Variants in FAM193A observed in about 807,000 individuals in gnomAD.
FAM193A encodes the protein protein FAM193A.
In FAM193A, 22 loss-of-function variants were observed where a neutral mutation model predicts 126.5. The observed-to-expected ratio is 0.17, with a 90% CI of 0.12 to 0.25. FAM193A has a LOEUF of 0.25. Among genes scored for constraint, FAM193A ranks in the 10% least tolerant of loss-of-function variants. The probability of loss-of-function intolerance (pLI) is 1.00; values close to 1 mark genes in which losing one functional copy is unlikely to be tolerated. For synonymous variants in FAM193A, 761 were observed against 646.8 expected (o/e 1.18, Z -2.68); for missense variants, 1,675 against 1,672.8 (o/e 1.00, Z -0.02).
intron 5 of FAM193A, among the ~76,000 whole-genome samples, chr4:2,636,265 G>A (rs905413202): frequency 6.6e-6 from 1 of 151,846 alleles, no homozygotes; most frequent in Admixed American, 6.6e-5. Context: ...GGGTTTCACT[G>A]TGTTAGCCAG....
At chr4:2,608,399 A>G (rs1209351908) in intron 2 of FAM193A, among the ~76,000 whole-genome samples, 1 of 152,002 alleles carries the variant, frequency 6.6e-6, no homozygotes, top group Non-Finnish European at 1.5e-5. Flanking sequence ...GGCTGGTCTC[A>G]AACTCCTGGG....
At chr4:2,709,234 T>A (rs1323007959) in intron 19 of FAM193A, among the ~76,000 whole-genome samples, 1 of 152,194 alleles carries the variant, frequency 6.6e-6, no homozygotes, top group Non-Finnish European at 1.5e-5. Context: ...GAACTGAACT[T>A]GAATTCCTGG....
chr4:2,693,005 C>T (rs1716578253), intron 15 of FAM193A, among the ~76,000 whole-genome samples: 2 of 151,988 alleles, frequency 1.3e-5, no homozygotes, highest in African/African-American at 4.8e-5. Flanking sequence ...GGGTTCAGGA[C>T]CAGCCTGGAC....
intron 1 of FAM193A, among the ~76,000 whole-genome samples, chr4:2,554,078 C>T (rs915739509): frequency 6.6e-6 from 1 of 151,988 alleles, no homozygotes; most frequent in Non-Finnish European, 1.5e-5. Context: ...TCTGTTATCT[C>T]TCCCTTTTAT....
At chr4:2,554,831 C>T (rs1738160630) in intron 1 of FAM193A, among the ~76,000 whole-genome samples, 1 of 152,122 alleles carries the variant, frequency 6.6e-6, no homozygotes, top group South Asian at 2.1e-4. Flanking sequence ...TATCCCTCAT[C>T]CTTGGTAGTT....
chr4:2,595,238 G>A (rs755977570), intron 1 of FAM193A, among the ~76,000 whole-genome samples: 4 of 152,084 alleles, frequency 2.6e-5, no homozygotes, highest in East Asian at 3.9e-4. Context: ...TTGCAGAGGC[G>A]AAGTCTTGCT....
Position 2,630,437 on chromosome 4 carries a change from C to T in FAM193A, c.804-498C>T, listed in dbSNP as rs544128477. On this transcript the variant is annotated intron_variant, in intron 4 of 20. Coordinates refer to ENST00000637812, the MANE Select transcript of FAM193A (RefSeq NM_001366318.2). ...CTAGAAAGAAGGAAAGAGCAGGCTG[C>T]CGCAGATCTGCAGCCAGGTGGCACC... is the stretch of plus-strand genomic sequence containing the variant. 3.2e-4 allele frequency among the ~76,000 whole-genome samples: 48 copies of T among 152,318 alleles called. No individual in the cohort carries two copies. The South Asian group carries it at 9.7e-3, about 31-fold the overall frequency.
At chr4:2,617,982 G>A (rs35679952) in intron 2 of FAM193A, among the ~76,000 whole-genome samples, 102,363 of 152,062 alleles carry the variant, frequency 0.67, 35,959 homozygotes, top group African/African-American at 0.88. Flanking sequence ...CTGTAGGCCA[G>A]GGTAGCTTCT....
At chr4:2,565,663 T>A (rs1454146713) in intron 1 of FAM193A, among the ~76,000 whole-genome samples, 1 of 151,348 alleles carries the variant, frequency 6.6e-6, no homozygotes, top group African/African-American at 2.5e-5. Context: ...AAGAGTAACA[T>A]GAGAAATGGG....
At chr4:2,608,494 T>C (rs1741676041) in intron 2 of FAM193A, among the ~76,000 whole-genome samples, 1 of 151,880 alleles carries the variant, frequency 6.6e-6, no homozygotes, top group Admixed American at 6.6e-5. Flanking sequence ...ATTACAGGAG[T>C]GAGCCACTGC....
chr4:2,596,312 G>T lies in FAM193A; in HGVS notation c.484G>T (p.Gly162Cys). The T allele has an allele frequency of 2.8e-6, 2 of 702,532 alleles. No homozygotes were observed. 43.5% of individuals were successfully genotyped at this position (702,532 alleles called of 1,614,324 possible). Reference sequence around the variant, plus strand: ...CGTGGAGAAGGAGGAGAGGCATGGCGGCCTTGACCAGCCAGTGGTGAGTGG... The same window carrying T: ...CGTGGAGAAGGAGGAGAGGCATGGCTGCCTTGACCAGCCAGTGGTGAGTGG... The part of the protein sequence containing the change: ...RTVEKEERHG[G>C]LDQPVSQDFL... Residue 162 changes from glycine (G) to cysteine (C), a missense_variant, in exon 2 of 21, where the codon GGC (glycine) becomes TGC (cysteine). Physicochemically the swap from Gly to Cys is radical, Grantham distance 159. Around this residue, in one of 4 missense-constraint regions of FAM193A, gnomAD observed 1,186 missense variants for 1,109.2 expected, o/e 1.07. Coordinates refer to ENST00000637812, the MANE Select transcript of FAM193A (RefSeq NM_001366318.2).
chr4:2,593,360 TG>T (rs1451881372), intron 1 of FAM193A, among the ~76,000 whole-genome samples: 1 of 152,182 alleles, frequency 6.6e-6, no homozygotes. Flanking sequence ...TCTCTCCTTC[TG>T]CTCTTGTCAG....
intron 19 of FAM193A, among the ~76,000 whole-genome samples, chr4:2,707,345 C>T (rs1270709482): frequency 6.6e-6 from 1 of 152,116 alleles, no homozygotes; most frequent in African/African-American, 2.4e-5. Context: ...AGCATTTAAT[C>T]ACCATTGTTT....
At chr4:2,709,992 G>T (rs2109347052) in intron 19 of FAM193A, among the ~76,000 whole-genome samples, 1 of 152,044 alleles carries the variant, frequency 6.6e-6, no homozygotes, top group African/African-American at 2.4e-5. Context: ...TGTCTGCAAG[G>T]TAGTCTAGTC....
chr4:2,657,657 G>A, intron 7 of FAM193A, 146 bp from the exon 8 acceptor site: 1 of 569,800 alleles, frequency 1.8e-6, no homozygotes, highest in Non-Finnish European at 3.1e-6. Flanking sequence ...TAACATATTT[G>A]TAGTATTGTA....
rs1227162965 is a variant in FAM193A, at chr4:2,536,911, C to G, written c.-5C>G. ...GCCCGCTCTGCGCCCCTCTCCCCGC[C>G]CGCCATGAGCCCAGCCGACGCCAAG... is the stretch of plus-strand genomic sequence containing the variant. On this transcript the variant is annotated 5_prime_UTR_variant, in exon 1 of 21. Coordinates refer to ENST00000637812, the MANE Select transcript of FAM193A (RefSeq NM_001366318.2). 1.3e-5 allele frequency: 2 copies of G among 149,262 alleles called. No individual in the cohort carries two copies. Among genetic ancestry groups the G allele is most frequent in the Non-Finnish European group, 3.0e-5 (2 of 67,312 alleles). The allele number at this position is 149,262 out of a possible 1,614,324, so 9.2% of individuals were successfully genotyped here. A position where few individuals can be genotyped will look rare whatever the true frequency, so the allele number is the denominator to read the frequency against.
intron 1 of FAM193A, among the ~76,000 whole-genome samples, chr4:2,577,813 A>AT (rs1359472909): frequency 1.3e-5 from 2 of 152,044 alleles, no homozygotes; most frequent in African/African-American, 4.8e-5. Context: ...CAAGCTGTTC[A>AT]TTTTTTTCTT....
intron 2 of FAM193A, among the ~76,000 whole-genome samples, chr4:2,604,896 C>G (rs1301263429): frequency 6.8e-6 from 1 of 146,330 alleles, no homozygotes; most frequent in Non-Finnish European, 1.5e-5. Flanking sequence ...CTCCTGGGCT[C>G]AAGTGATTCT....
At chr4:2,669,987 A>G (rs1376866100) in intron 12 of FAM193A, among the ~76,000 whole-genome samples, 9 of 152,324 alleles carry the variant, frequency 5.9e-5, no homozygotes, top group East Asian at 1.9e-4. Context: ...TCTGTAGACC[A>G]ATGTTTCTCA....
Sources: allele counts gnomAD v4.1 joint callset (sites outside exome capture counted in the v4.1 genomes callset), GRCh38; gene constraint gnomAD v4.1.1; regional missense constraint gnomAD v4.1.1; transcripts MANE v1.5; gene names NCBI Gene and HGNC (gene_info 2026-07-23, HGNC 2026-07-21).